SCMH1: variants seen among roughly 807,000 people sequenced by gnomAD.
The protein encoded by SCMH1 is Scm polycomb group protein homolog 1.
Under a neutral mutation model 70.8 loss-of-function variants are expected in SCMH1, and 37 were observed. The observed-to-expected ratio is 0.52, with a 90% CI of 0.40 to 0.69. The LOEUF is 0.69. SCMH1 is among the 30% of genes least tolerant of loss of function. The probability of loss-of-function intolerance (pLI) is 0.00; values close to 1 mark genes in which losing one functional copy is unlikely to be tolerated. For synonymous variants in SCMH1, 292 were observed against 307.4 expected (o/e 0.95, Z 0.52); for missense variants, 607 against 827.3 (o/e 0.73, Z 3.27).
At chr1:41,131,748 C>T (rs1282359674) in intron 6 of SCMH1, among the ~76,000 whole-genome samples, 15 of 152,148 alleles carry the variant, frequency 9.9e-5, no homozygotes, top group Admixed American at 9.8e-4. Context: ...GTTCTTTTCC[C>T]TGTGTCCACG....
At chr1:41,075,129 G>T (rs1249473235) in intron 9 of SCMH1, 90 bp downstream of exon 9, 45 of 1,251,556 alleles carry the variant, frequency 3.6e-5, no homozygotes, top group Non-Finnish European at 5.2e-5. Context: ...CCCATTAAGT[G>T]CTGGGATTAC....
chr1:41,190,108 A>T (rs1040001548), intron 1 of SCMH1, among the ~76,000 whole-genome samples: 2 of 152,366 alleles, frequency 1.3e-5, no homozygotes, highest in East Asian at 3.8e-4. Context: ...CATTCTTGCC[A>T]GTCCAAACAT....
chr1:41,032,482 G>A (rs559842420), intron 13 of SCMH1, among the ~76,000 whole-genome samples: 1 of 152,286 alleles, frequency 6.6e-6, no homozygotes, highest in South Asian at 2.1e-4. Context: ...TAAGAGGCAT[G>A]GATGTGTGTG....
At chr1:41,235,207 G>A (rs549740714) in intron 1 of SCMH1, among the ~76,000 whole-genome samples, 187 of 152,190 alleles carry the variant, frequency 1.2e-3, no homozygotes, top group African/African-American at 4.4e-3. Context: ...TATTAGTGGT[G>A]AGTAAAAAAT....
chr1:41,095,272 T>C (rs1250952274), intron 8 of SCMH1, among the ~76,000 whole-genome samples: 1 of 152,196 alleles, frequency 6.6e-6, no homozygotes, highest in Non-Finnish European at 1.5e-5. Flanking sequence ...TTTCAGTGGT[T>C]TATGTTTTAT....
intron 4 of SCMH1, 33 bp from the exon 5 acceptor site, chr1:41,151,717 A>T (rs376807581): frequency 8.1e-5 from 122 of 1,504,618 alleles, no homozygotes; most frequent in Non-Finnish European, 1.1e-4. Context: ...TATCACAGTC[A>T]ACTTCCTAAA....
At chr1:41,073,620 A>T (rs1415353514) in intron 9 of SCMH1, among the ~76,000 whole-genome samples, 1 of 114,480 alleles carries the variant, frequency 8.7e-6, no homozygotes, top group Non-Finnish European at 1.9e-5. Flanking sequence ...CACTAAAATC[A>T]TCCATCCATC....
chr1:41,184,612 T>C (rs1048711689), intron 2 of SCMH1, among the ~76,000 whole-genome samples: 1 of 152,152 alleles, frequency 6.6e-6, no homozygotes, highest in Non-Finnish European at 1.5e-5. Context: ...AGTCTTTTGA[T>C]TGGAGGCATT....
intron 5 of SCMH1, among the ~76,000 whole-genome samples, chr1:41,149,436 C>A (rs905317629): frequency 6.6e-6 from 1 of 152,044 alleles, no homozygotes; most frequent in African/African-American, 2.4e-5. Flanking sequence ...TGTTTGTCTG[C>A]TATTCTATGA....
In SCMH1 at chr1:41,160,060, T is replaced by C. The variant is rs140892587; in HGVS notation, c.106+815A>G. ...AGCCTAGGAGTTCTGACTCCTAGTC[T>C]AGTGTTCTACTACTTCATGTTATCT... On this transcript the variant is annotated intron_variant, in intron 4 of 14. Coordinates refer to ENST00000337495, the Ensembl canonical transcript of SCMH1. 45 of 236,224 alleles carry C rather than the reference T, an allele frequency of 1.9e-4. No individual in the cohort carries two copies. In the East Asian group the frequency reaches 3.2e-3, roughly 17 times the overall value. 14.6% of individuals were successfully genotyped at this position (236,224 alleles called of 1,614,324 possible). A position where few individuals can be genotyped will look rare whatever the true frequency, so the allele number is the denominator to read the frequency against.
At chr1:41,156,938 A>T (rs114943326) in intron 4 of SCMH1, among the ~76,000 whole-genome samples, 2 of 148,100 alleles carry the variant, frequency 1.4e-5, no homozygotes, top group South Asian at 4.3e-4. Flanking sequence ...TGCTGGGATT[A>T]CAAGTATAAG....
chr1:41,158,537 G>A (rs1170393977), intron 4 of SCMH1, among the ~76,000 whole-genome samples: 1 of 152,224 alleles, frequency 6.6e-6, no homozygotes, highest in Non-Finnish European at 1.5e-5. Context: ...GCCCAGACAT[G>A]AGAAAAAGCA....
intron 5 of SCMH1, among the ~76,000 whole-genome samples, chr1:41,146,544 T>C (rs1644588971): frequency 6.7e-6 from 1 of 149,904 alleles, no homozygotes; most frequent in Non-Finnish European, 1.5e-5. Flanking sequence ...TTTTATACCA[T>C]ATTTTTTTTT....
chr1:41,195,214 T>C (rs1652746911), intron 1 of SCMH1, among the ~76,000 whole-genome samples: 1 of 137,160 alleles, frequency 7.3e-6, no homozygotes, highest in South Asian at 2.3e-4. Context: ...TATTGAAACA[T>C]GAAACTAGCC....
At chr1:41,173,045 A>G (rs903421219) in intron 2 of SCMH1, among the ~76,000 whole-genome samples, 1 of 152,240 alleles carries the variant, frequency 6.6e-6, no homozygotes, top group Non-Finnish European at 1.5e-5. Context: ...TTTATGGAGA[A>G]GACTTCAAAA....
At chr1:41,228,586 C>G (rs1352243863) in intron 1 of SCMH1, among the ~76,000 whole-genome samples, 1 of 151,366 alleles carries the variant, frequency 6.6e-6, no homozygotes, top group Non-Finnish European at 1.5e-5. Context: ...AGTTCAAGAC[C>G]AGCCCTGGCA....
At chr1:41,076,676 C>T (rs1658376247) in intron 8 of SCMH1, among the ~76,000 whole-genome samples, 1 of 152,144 alleles carries the variant, frequency 6.6e-6, no homozygotes, top group African/African-American at 2.4e-5. Flanking sequence ...GAGGTAAAGG[C>T]ACAATGCCTT....
intron 1 of SCMH1, among the ~76,000 whole-genome samples, chr1:41,192,500 A>C (rs958742733): frequency 2.7e-5 from 4 of 150,148 alleles, no homozygotes; most frequent in African/African-American, 9.8e-5. Context: ...TAGGAGACAC[A>C]CACACACACA....
chr1:41,118,107 C>A (rs976390941), intron 6 of SCMH1, among the ~76,000 whole-genome samples: 3 of 152,112 alleles, frequency 2.0e-5, no homozygotes, highest in African/African-American at 7.2e-5. Context: ...TCCAGCTACT[C>A]CTATGCTGTG....
Sources: allele counts gnomAD v4.1 joint callset (sites outside exome capture counted in the v4.1 genomes callset), GRCh38; gene constraint gnomAD v4.1.1; transcripts MANE v1.5; gene names NCBI Gene and HGNC (gene_info 2026-07-23, HGNC 2026-07-21).